Variants in NUBPL observed in about 807,000 individuals in gnomAD.
The protein encoded by NUBPL is iron-sulfur cluster transfer protein NUBPL.
Under a neutral mutation model 45.7 loss-of-function variants are expected in NUBPL, and 31 were observed. The observed-to-expected ratio is 0.68, with a 90% confidence interval of 0.51 to 0.92. The LOEUF (loss-of-function observed/expected upper bound fraction) is 0.92. Ranked by LOEUF, NUBPL falls within the 40% of genes least tolerant of loss-of-function variation. The probability of loss-of-function intolerance (pLI) is 0.00; values close to 1 mark genes in which losing one functional copy is unlikely to be tolerated. For synonymous variants in NUBPL, 144 were observed against 140.9 expected (o/e 1.02, Z -0.15); for missense variants, 401 against 398.7 (o/e 1.01, Z -0.05).
At chr14:31,600,462 A>G (rs2034401405) in intron 4 of NUBPL, among the ~76,000 whole-genome samples, 4 of 152,186 alleles carry the variant, frequency 2.6e-5, no homozygotes, top group Non-Finnish European at 2.9e-5. Context: ...GTGGAAGGAA[A>G]CTAGAGTACC....
intron 5 of NUBPL, 38 bp downstream of exon 5, chr14:31,673,432 T>A (rs2036622461): frequency 6.2e-7 from 1 of 1,604,184 alleles, no homozygotes; most frequent in Non-Finnish European, 8.5e-7. Context: ...CTTTTCAGAA[T>A]AATGTTGATT....
chr14:31,799,257 A>G (rs1038049408), intron 7 of NUBPL, among the ~76,000 whole-genome samples: 2 of 152,176 alleles, frequency 1.3e-5, no homozygotes, highest in Non-Finnish European at 2.9e-5. Flanking sequence ...CCTTTTTTAT[A>G]GTGTACATGT....
At chr14:31,581,423 A>G (rs76645050) in intron 3 of NUBPL, among the ~76,000 whole-genome samples, 5,464 of 152,178 alleles carry the variant, frequency 0.036, 122 homozygotes, top group Non-Finnish European at 0.055. Flanking sequence ...GTAACCACTA[A>G]TCTACTTTCT....
At chr14:31,744,473 C>A (rs891867085) in intron 6 of NUBPL, among the ~76,000 whole-genome samples, 1 of 151,756 alleles carries the variant, frequency 6.6e-6, no homozygotes, top group Non-Finnish European at 1.5e-5. Flanking sequence ...TAAAAATAAA[C>A]GCCACAAAAA....
chr14:31,576,894 G>T (rs759523253), intron 3 of NUBPL, among the ~76,000 whole-genome samples: 1 of 152,198 alleles, frequency 6.6e-6, no homozygotes, highest in Non-Finnish European at 1.5e-5. Context: ...CAGTGCTTTT[G>T]CATGGCTGTT....
At chr14:31,824,146 A>C (rs1333934776) in intron 7 of NUBPL, among the ~76,000 whole-genome samples, 3 of 152,130 alleles carry the variant, frequency 2.0e-5, no homozygotes, top group African/African-American at 7.2e-5. Flanking sequence ...CATCATGTCA[A>C]GTGTCTGTGT....
At chr14:31,784,268 G>A (rs77423379) in intron 6 of NUBPL, among the ~76,000 whole-genome samples, 7,357 of 152,076 alleles carry the variant, frequency 0.048, 556 homozygotes, top group African/African-American at 0.17. Context: ...TTTCCCTATG[G>A]CTTGTTTTCT....
intron 6 of NUBPL, among the ~76,000 whole-genome samples, chr14:31,782,728 G>T (rs2039214399): frequency 6.6e-6 from 1 of 152,016 alleles, no homozygotes; most frequent in Admixed American, 6.6e-5. Context: ...CGAGGTTGCA[G>T]TGAGCCAAGA....
chr14:31,802,556 G>A (rs529683542), intron 7 of NUBPL, among the ~76,000 whole-genome samples: 23 of 152,250 alleles, frequency 1.5e-4, no homozygotes, highest in South Asian at 2.1e-4. Flanking sequence ...GATTACAGGC[G>A]TGAGCCACCG....
At chr14:31,798,460 ATAAT>A (rs1199458355) in intron 7 of NUBPL, among the ~76,000 whole-genome samples, 1 of 151,764 alleles carries the variant, frequency 6.6e-6, no homozygotes, top group Non-Finnish European at 1.5e-5. Context: ...ACTAATGAGA[ATAAT>A]TAGTATTGTT....
At chr14:31,790,210 C>A (rs191198475) in intron 7 of NUBPL, among the ~76,000 whole-genome samples, 12 of 152,256 alleles carry the variant, frequency 7.9e-5, no homozygotes, top group African/African-American at 2.9e-4. Flanking sequence ...TTTCTTTAAG[C>A]CCCTTTGGAC....
chr14:31,849,301 C>T (rs773611090), intron 9 of NUBPL, among the ~76,000 whole-genome samples: 18 of 152,122 alleles, frequency 1.2e-4, no homozygotes, highest in Non-Finnish European at 2.2e-4. Context: ...GTTCTGAGAA[C>T]GCTAAGTACC....
At chr14:31,750,995 T>A (rs2038514070) in intron 6 of NUBPL, among the ~76,000 whole-genome samples, 1 of 150,206 alleles carries the variant, frequency 6.7e-6, no homozygotes, top group Admixed American at 6.6e-5. Flanking sequence ...AGAGAGAGAG[T>A]GAAGAGGGAA....
In NUBPL at chr14:31,745,408, T is replaced by C. The variant is rs565426072; in HGVS notation, c.514-42372T>C. Among the ~76,000 whole-genome samples the C allele has an allele frequency of 2.6e-5, 4 of 152,290 alleles. 1 individual carries two copies. In the East Asian group the frequency reaches 7.7e-4, roughly 29 times the overall value. On this transcript the variant is annotated intron_variant, in intron 6 of 10. Transcript: ENST00000281081. ...ATCCTTTTTTATGGCTGCATAGTAT[T>C]CCATGGTGTATATGTGCCACATTTT...
At chr14:31,817,743 C>G (rs1202872789) in intron 7 of NUBPL, among the ~76,000 whole-genome samples, 1 of 152,160 alleles carries the variant, frequency 6.6e-6, no homozygotes, top group African/African-American at 2.4e-5. Context: ...TATGAAGAAA[C>G]TGCATCAACT....
chr14:31,847,109 A>G (rs1273369295), intron 9 of NUBPL, among the ~76,000 whole-genome samples: 1 of 152,186 alleles, frequency 6.6e-6, no homozygotes, highest in East Asian at 1.9e-4. Flanking sequence ...TTCTATTTTA[A>G]ATAAAAACTG....
At chr14:31,804,711 G>T (rs140282278) in intron 7 of NUBPL, among the ~76,000 whole-genome samples, 134 of 152,272 alleles carry the variant, frequency 8.8e-4, no homozygotes, top group African/African-American at 3.1e-3. Context: ...AATCAATGTT[G>T]CTGGGATAAC....
At chr14:31,846,156 C>T in intron 8 of NUBPL, 1 of 345,490 alleles carries the variant, frequency 2.9e-6, no homozygotes, top group South Asian at 2.5e-5. Flanking sequence ...GGCCTCACCT[C>T]CTCATCACCC....
At chr14:31,846,686 G>A in intron 9 of NUBPL, 95 bp downstream of exon 9, 1 of 1,559,890 alleles carries the variant, frequency 6.4e-7, no homozygotes, top group Non-Finnish European at 8.6e-7. Context: ...GCCGGGCACG[G>A]AGTCTCACAC....
Sources: gnomAD v4.1 joint callset for allele counts (sites outside exome capture counted in the v4.1 genomes callset) on GRCh38, gnomAD v4.1.1 for gene constraint, MANE v1.5 for transcripts, NCBI Gene and HGNC (gene_info 2026-07-23, HGNC 2026-07-21) for gene names.